Variants in KRT79 observed in about 807,000 individuals in gnomAD.
The protein encoded by KRT79 is keratin 79.
In KRT79, 51 loss-of-function variants were observed where a neutral mutation model predicts 49.0. That is an observed-to-expected ratio of 1.04 (90% confidence interval 0.83 to 1.31). KRT79 has a LOEUF of 1.31. Ranked by LOEUF, KRT79 falls within the 40% of genes most tolerant of loss-of-function variation. The pLI is 0.00. For synonymous variants in KRT79, 312 were observed against 286.6 expected (o/e 1.09, Z -0.90); for missense variants, 728 against 688.0 (o/e 1.06, Z -0.65).
rs772855062 is a variant in KRT79 at position 52,830,255 on chromosome 12, T to A, written c.736A>T (p.Asn246Tyr). ...ACCTTCTTGAGCACCACAAACTCGT[T>A]CTCTGCAGCAGTGTGCTTGTTGATT... The part of the protein sequence containing the change: ...DEINKHTAAE[N>Y]EFVVLKKDVD... The change falls in exon 3 of 9, where the codon AAC (asparagine) becomes TAC (tyrosine). Residue 246 changes from asparagine (N) to tyrosine (Y), a missense_variant. Physicochemically the swap from Asn to Tyr is moderately radical, Grantham distance 143. Transcript: ENST00000330553. 3.7e-6 allele frequency: 6 copies of A among 1,614,212 alleles called. No homozygotes were observed. The South Asian group carries it at 6.6e-5, about 18-fold the overall frequency.
Position 52,829,712 on chromosome 12 carries a change from C to A in KRT79, c.855+311G>T, listed in dbSNP as rs561659713. On this transcript the variant is annotated intron_variant, in intron 4 of 8. Coordinates refer to ENST00000330553, the MANE Select transcript of KRT79 (RefSeq NM_175834.3). ...GGTCAGGAGTTCAAGACCAGCCTGG[C>A]CAACATGGCAAAACTCCATCTCTAC... Among the ~76,000 whole-genome samples the A allele has an allele frequency of 3.3e-5, 5 of 152,246 alleles. No homozygotes were observed. The South Asian group carries it at 6.2e-4, about 19-fold the overall frequency.
At chr12:52,828,367 T>A (rs1195556412) in intron 4 of KRT79, among the ~76,000 whole-genome samples, 1 of 152,242 alleles carries the variant, frequency 6.6e-6, no homozygotes, top group Non-Finnish European at 1.5e-5. Flanking sequence ...AAATCACCAC[T>A]GAAGACCCAC....
rs1317978353 is a variant in KRT79 at position 52,823,006 on chromosome 12, G to A, written c.1367+10C>T. 3 of 1,613,208 alleles carry A rather than the reference G, an allele frequency of 1.9e-6. No individual in the cohort carries two copies. The highest frequency in any genetic ancestry group is 2.2e-5 in the East Asian group (1 of 44,864). On this transcript the variant is annotated intron_variant, in intron 7 of 8. Transcript: ENST00000330553. ...CCCAGCTTTCTGGGTCGGGCAGGAG[G>A]GGCCACCACCTGCTCTCCTCGCTCT... is the stretch of plus-strand genomic sequence containing the variant.
At chr12:52,832,280 T>C (rs1337104226) in intron 1 of KRT79, among the ~76,000 whole-genome samples, 1 of 152,042 alleles carries the variant, frequency 6.6e-6, no homozygotes, top group Non-Finnish European at 1.5e-5. Context: ...AAAATAATAA[T>C]AATAAATTAA....
intron 4 of KRT79, 52 bp downstream of exon 4, chr12:52,829,971 C>G (rs1283828570): frequency 6.1e-6 from 9 of 1,474,946 alleles, no homozygotes; most frequent in Non-Finnish European, 8.5e-6. Context: ...TGGAAAACGC[C>G]CAGTGCTGTT....
rs184264277 is a variant in KRT79, at chr12:52,831,759, G to A, written c.478-133C>T. ...GCTGCAGCCGCACCTACACTTTGCT[G>A]TGGGGAGGCACTCCTTAGGGGAATA... On this transcript the variant is annotated intron_variant, in intron 1 of 8. Coordinates refer to ENST00000330553, the MANE Select transcript of KRT79 (RefSeq NM_175834.3). 6.2e-4 allele frequency: 425 copies of A among 682,514 alleles called. 1 individual carries two copies. The African/African-American group carries it at 7.0e-3, about 11-fold the overall frequency. The allele number at this position is 682,514 out of a possible 1,614,324, so 42.3% of individuals were successfully genotyped here.
At chr12:52,830,349 G>A (rs758530147) in intron 2 of KRT79, 57 bp from the exon 3 acceptor site, 4 of 1,517,476 alleles carry the variant, frequency 2.6e-6, no homozygotes, top group Non-Finnish European at 3.7e-6. Flanking sequence ...TTCAGGCATG[G>A]GACCCACTCA....
At position 52,833,802 on chromosome 12, in the gene KRT79, G is replaced by A. The variant is rs376301539; in HGVS notation, c.459C>T (p.Phe153=). Residue 153 remains phenylalanine (F), a synonymous_variant, in exon 1 of 9, where the codon TTC becomes TTT. Coordinates refer to ENST00000330553, the MANE Select transcript of KRT79 (RefSeq NM_175834.3). The part of the protein sequence containing the change: ...REQIKTLNNK[F]ASFIDKVRFL... ...GGCCCACCTTGTCGATGAAGGAGGC[G>A]AACTTGTTGTTGAGGGTCTTGATCT... The A allele has an allele frequency of 3.8e-5, 61 of 1,613,656 alleles. No individual in the cohort carries two copies. Among genetic ancestry groups the A allele is most frequent in the Admixed American group, 3.3e-4 (20 of 59,956 alleles).
In KRT79 at chr12:52,831,607, T is replaced by C. The variant is rs747620696; in HGVS notation, c.497A>G (p.Gln166Arg). 1.3e-5 allele frequency: 21 copies of C among 1,613,996 alleles called. No individual in the cohort carries two copies. Among genetic ancestry groups the C allele is most frequent in the Non-Finnish European group, 1.7e-5 (20 of 1,179,986 alleles). Residue 166 changes from glutamine (Q) to arginine (R), a missense_variant, in exon 2 of 9, where the codon CAG becomes CGG. Coordinates refer to ENST00000330553, the MANE Select transcript of KRT79 (RefSeq NM_175834.3). ...FIDKVRFLEQ[Q>R]NKVLETKWAL... The stretch of plus-strand genomic sequence containing the variant: ...CCACTTGGTCTCCAGCACCTTATTC[T>C]GTTGCTCCAGGAACCGCACCTGAGC...
rs765976515 is a variant in KRT79, at chr12:52,834,082, C to T, written c.179G>A (p.Arg60Gln). The T allele has an allele frequency of 1.9e-5, 31 of 1,613,248 alleles. No individual in the cohort carries two copies. Among genetic ancestry groups the T allele is most frequent in the South Asian group, 3.3e-5 (3 of 91,076 alleles). Residue 60 changes from arginine (R) to glutamine (Q), a missense_variant, in exon 1 of 9, where the codon CGA (arginine) becomes CAA (glutamine). By Grantham distance (43) the Arg-to-Gln change is conservative (BLOSUM62 1). Coordinates refer to ENST00000330553, the MANE Select transcript of KRT79 (RefSeq NM_175834.3). ...CGPGTGGFGS[R>Q]SLYNLGGHKS... The stretch of plus-strand genomic sequence containing the variant: ...GTGGCCCCCCAAGTTATAGAGGCTT[C>T]GGCTGCCAAAGCCACCTGTGCCGGG...
chr12:52,829,576 T>C (rs150866418), intron 4 of KRT79, among the ~76,000 whole-genome samples: 3 of 152,354 alleles, frequency 2.0e-5, no homozygotes, highest in African/African-American at 4.8e-5. Context: ...TCAAAAGCAC[T>C]TAATAAGTTG....
rs142260878 is a variant in KRT79, at chr12:52,834,195, G to A, written c.66C>T (p.Ser22=). ...TGCGGGCCTGGGACCCACTCCCTCCGCTGGCAGAGTTGGAGCTGAAGCCCC... is the reference window on the plus strand; with the variant it reads ...TGCGGGCCTGGGACCCACTCCCTCCACTGGCAGAGTTGGAGCTGAAGCCCC... ...TKGGFSSNSA[S]GGSGSQARTS... is the part of the protein sequence containing the mutation. The change falls in exon 1 of 9, where the codon AGC becomes AGT. Residue 22 remains serine, a synonymous_variant. Transcript: ENST00000330553. The A allele has an allele frequency of 5.8e-5, 93 of 1,613,874 alleles. No homozygotes were observed. The African/African-American group carries it at 7.9e-4, about 14-fold the overall frequency.
Position 52,831,715 on chromosome 12 carries a change from G to A in KRT79, c.478-89C>T, listed in dbSNP as rs146823244. The A allele has an allele frequency of 6.3e-4, 669 of 1,063,224 alleles. 3 individuals carry two copies. In the African/African-American group the frequency reaches 8.6e-3, roughly 14 times the overall value. 65.9% of individuals were successfully genotyped at this position (1,063,224 alleles called of 1,614,324 possible). On this transcript the variant is annotated intron_variant, in intron 1 of 8. Coordinates refer to ENST00000330553, the MANE Select transcript of KRT79 (RefSeq NM_175834.3). ...GGTCCATTGCCACCTCCCCTCCAAG[G>A]CCAGGGCAACATAGGGACGCTGCAG...
intron 4 of KRT79, among the ~76,000 whole-genome samples, chr12:52,826,960 T>C (rs924014180): frequency 2.0e-5 from 3 of 152,130 alleles, no homozygotes; most frequent in African/African-American, 7.2e-5. Flanking sequence ...TGAGGACCTC[T>C]GACAGGAAAG....
In KRT79 at chr12:52,821,607, G is replaced by A. The variant is rs535715654; in HGVS notation, c.*265C>T. Reference sequence around the variant, plus strand: ...GGCTTGAGAAATTCAGCCTCCTCTCGGTGGTCAAAAGGTCACCCCCAAGTC... The same window carrying A: ...GGCTTGAGAAATTCAGCCTCCTCTCAGTGGTCAAAAGGTCACCCCCAAGTC... On this transcript the variant is annotated 3_prime_UTR_variant, in exon 9 of 9. Coordinates refer to ENST00000330553, the MANE Select transcript of KRT79 (RefSeq NM_175834.3). The A allele has an allele frequency of 2.2e-4, 110 of 506,922 alleles. No homozygotes were observed. The East Asian group carries it at 3.4e-3, about 16-fold the overall frequency. The allele number at this position is 506,922 out of a possible 1,614,324, so 31.4% of individuals were successfully genotyped here. A position where few individuals can be genotyped will look rare whatever the true frequency, so the allele number is the denominator to read the frequency against.
At chr12:52,833,495 T>A (rs1012520118) in intron 1 of KRT79, among the ~76,000 whole-genome samples, 1 of 152,120 alleles carries the variant, frequency 6.6e-6, no homozygotes, top group Non-Finnish European at 1.5e-5. Context: ...GTGCAATCAA[T>A]CGTATTAATC....
At chr12:52,832,584 G>A (rs1940270813) in intron 1 of KRT79, among the ~76,000 whole-genome samples, 1 of 152,052 alleles carries the variant, frequency 6.6e-6, no homozygotes, top group African/African-American at 2.4e-5. Flanking sequence ...AGTCCCACAG[G>A]AAAACCAAAA....
chr12:52,824,058 C>G lies in KRT79; in HGVS notation c.1021-46G>C. 3 of 1,613,674 alleles carry G rather than the reference C, an allele frequency of 1.9e-6. No homozygotes were observed. The South Asian group carries it at 3.3e-5, about 18-fold the overall frequency. On this transcript the variant is annotated intron_variant, in intron 5 of 8. Coordinates refer to ENST00000330553, the MANE Select transcript of KRT79 (RefSeq NM_175834.3). ...AGTGCGCTTTCAAATGGCCCCAGCC[C>G]ACCCTCACAGCTGGAGGCCCCATGC...
In KRT79 at chr12:52,831,483, G is replaced by A; in HGVS notation, c.621C>T (p.Asp207=). Residue 207 remains aspartate, a synonymous_variant, in exon 2 of 9, where the codon GAC becomes GAT. Coordinates refer to ENST00000330553, the MANE Select transcript of KRT79 (RefSeq NM_175834.3). ...GCCTCCCCCGCTCGCTCTGAAGTCT[G>A]TCCAGCGTGCTCCGCATGCTACCCA... ...AYLGSMRSTL[D]RLQSERGRLD... The A allele has an allele frequency of 1.2e-6, 2 of 1,614,240 alleles. No homozygotes were observed. The highest frequency in any genetic ancestry group is 1.7e-6 in the Non-Finnish European group (2 of 1,180,044).
Sources: gnomAD v4.1 joint callset for allele counts (sites outside exome capture counted in the v4.1 genomes callset) on GRCh38, gnomAD v4.1.1 for gene constraint, MANE v1.5 for transcripts, NCBI Gene and HGNC (gene_info 2026-07-23, HGNC 2026-07-21) for gene names.